FKBP9: variants seen among roughly 807,000 people sequenced by gnomAD.
FKBP9 encodes FKBP prolyl isomerase 9, also known as peptidyl-prolyl cis-trans isomerase FKBP9.
Under a neutral mutation model 55.6 loss-of-function variants are expected in FKBP9, and 27 were observed. The observed-to-expected ratio is 0.49, with a 90% confidence interval of 0.36 to 0.67. The LOEUF is 0.67. Among genes scored for constraint, FKBP9 ranks in the 30% least tolerant of loss-of-function variants. The pLI is 0.00. For missense variants in FKBP9, 539 were observed against 742.8 expected (o/e 0.73, Z 3.19); for synonymous variants, 267 against 296.5 (o/e 0.90, Z 1.02).
chr7:32,983,499 GA>G (rs1179910850), intron 5 of FKBP9, among the ~76,000 whole-genome samples: 2 of 149,560 alleles, frequency 1.3e-5, no homozygotes, highest in East Asian at 4.0e-4. Flanking sequence ...ATTTTTGATA[GA>G]GACAGGGTTT....
chr7:32,979,945 C>T (rs373494760), intron 4 of FKBP9, among the ~76,000 whole-genome samples: 3,484 of 151,518 alleles, frequency 0.023, 71 homozygotes, highest in East Asian at 0.16. Context: ...TTTCAAAGAA[C>T]AAGTCTGTGT....
At chr7:32,979,307 G>T (rs1784424004) in intron 4 of FKBP9, among the ~76,000 whole-genome samples, 1 of 152,092 alleles carries the variant, frequency 6.6e-6, no homozygotes, top group Admixed American at 6.6e-5. Context: ...AAACCCCATG[G>T]TTACTTTTAA....
intron 7 of FKBP9, among the ~76,000 whole-genome samples, chr7:32,997,882 C>G (rs1190175881): frequency 1.3e-5 from 2 of 152,144 alleles, no homozygotes; most frequent in Non-Finnish European, 2.9e-5. Flanking sequence ...AGCTCTCCCT[C>G]TCGGTATGGG....
At chr7:32,998,875 G>A (rs1457349784) in intron 7 of FKBP9, among the ~76,000 whole-genome samples, 4 of 152,190 alleles carry the variant, frequency 2.6e-5, no homozygotes, top group East Asian at 1.9e-4. Context: ...CACAGGACCC[G>A]AGGAAAAAGA....
At chr7:33,000,744 C>A (rs537565013) in intron 8 of FKBP9, among the ~76,000 whole-genome samples, 1 of 151,882 alleles carries the variant, frequency 6.6e-6, no homozygotes, top group African/African-American at 2.4e-5. Context: ...TTTACTCCAT[C>A]ATTTCAGCCA....
intron 1 of FKBP9, among the ~76,000 whole-genome samples, chr7:32,965,812 A>ATATATATATATAT (rs1554284288): frequency 2.9e-5 from 1 of 34,940 alleles, no homozygotes; most frequent in African/African-American, 1.2e-4. Context: ...AAAAAAAAAA[A>ATATATATATATAT]ATATATATAT....
At chr7:32,987,478 G>C (rs1275764086) in intron 5 of FKBP9, among the ~76,000 whole-genome samples, 1 of 127,652 alleles carries the variant, frequency 7.8e-6, no homozygotes, top group Admixed American at 8.5e-5. Context: ...CTGGGAGACA[G>C]AGCAAGACCC....
chr7:32,997,360 C>T (rs114903495), intron 7 of FKBP9, among the ~76,000 whole-genome samples: 5,114 of 152,206 alleles, frequency 0.034, 140 homozygotes, highest in South Asian at 0.08. Context: ...GTGTGAGTCA[C>T]TGCACCTGAC....
intron 1 of FKBP9, among the ~76,000 whole-genome samples, chr7:32,961,533 A>G (rs1373386408): frequency 6.6e-6 from 1 of 152,200 alleles, no homozygotes; most frequent in African/African-American, 2.4e-5. Flanking sequence ...CAATTTACAA[A>G]AATAAATAAA....
intron 9 of FKBP9, among the ~76,000 whole-genome samples, chr7:33,004,188 A>G (rs1056055058): frequency 6.6e-6 from 1 of 151,810 alleles, no homozygotes; most frequent in African/African-American, 2.4e-5. Flanking sequence ...ACCCTGTAGC[A>G]TCTTAGCCCG....
chr7:33,006,091 C>CTTTTTTTTT lies in FKBP9; in HGVS notation c.*753_*761dup, dbSNP rs575917909. 1 of 129,316 alleles carries CTTTTTTTTT rather than the reference C, an allele frequency of 7.7e-6. No individual in the cohort carries two copies. The highest frequency in any genetic ancestry group is 3.6e-5 in the African/African-American group (1 of 28,072). The allele number at this position is 129,316 out of a possible 1,614,324, so 8.0% of individuals were successfully genotyped here. A position where few individuals can be genotyped will look rare whatever the true frequency, so the allele number is the denominator to read the frequency against. On this transcript the variant is annotated 3_prime_UTR_variant, in exon 10 of 10. Coordinates refer to ENST00000242209, the MANE Select transcript of FKBP9 (RefSeq NM_007270.5). Reference sequence around the variant, plus strand: ...AGTCATCTGCTTAGCTTTTCCTTTCCTTTTTTTTTTTTTTTTTTTTTCTGG... The same window carrying CTTTTTTTTT: ...AGTCATCTGCTTAGCTTTTCCTTTCCTTTTTTTTTTTTTTTTTTTTTTTTTTTTTTCTGG...
chr7:32,967,290 T>C (rs1784163221), intron 1 of FKBP9, among the ~76,000 whole-genome samples: 1 of 152,226 alleles, frequency 6.6e-6, no homozygotes, highest in African/African-American at 2.4e-5. Context: ...ATAATAGTGT[T>C]AGCTATATTC....
intron 7 of FKBP9, among the ~76,000 whole-genome samples, chr7:32,996,836 G>A (rs1459125932): frequency 2.7e-5 from 3 of 113,086 alleles, no homozygotes; most frequent in African/African-American, 7.1e-5. Flanking sequence ...CGCCCAGGCC[G>A]GACTGCGGAC....
At chr7:32,968,180 A>G (rs1297689303) in intron 1 of FKBP9, among the ~76,000 whole-genome samples, 4 of 152,232 alleles carry the variant, frequency 2.6e-5, no homozygotes, top group African/African-American at 7.2e-5. Context: ...CTGGGACTAC[A>G]GTACCTTTGC....
intron 6 of FKBP9, among the ~76,000 whole-genome samples, chr7:32,995,436 G>A (rs906249823): frequency 3.0e-4 from 45 of 152,198 alleles, no homozygotes; most frequent in Non-Finnish European, 5.6e-4. Context: ...GGAAGCTGTC[G>A]TTAAATTCCT....
rs1783927374 is a variant in FKBP9 at position 32,957,684 on chromosome 7, G to C, written c.111G>C (p.Gln37His). ...VAGLGSDAEL[Q>H]IERRFVPDEC... Reference sequence around the variant, plus strand: ...GCCTGGGCTCCGACGCGGAGCTGCAGATCGAGCGGCGCTTCGTGCCCGACG... The same window carrying C: ...GCCTGGGCTCCGACGCGGAGCTGCACATCGAGCGGCGCTTCGTGCCCGACG... Residue 37 changes from glutamine to histidine, a missense_variant, in exon 1 of 10, where the codon CAG (glutamine) becomes CAC (histidine). Around this residue, in one of 4 missense-constraint regions of FKBP9, gnomAD observed 236 missense variants for 271.5 expected, o/e 0.87. Transcript: ENST00000242209. 1.3e-6 allele frequency: 2 copies of C among 1,529,902 alleles called. No individual in the cohort carries two copies. The highest frequency in any genetic ancestry group is 1.4e-5 in the African/African-American group (1 of 69,644). 94.8% of individuals were successfully genotyped at this position (1,529,902 alleles called of 1,614,324 possible). A position where few individuals can be genotyped will look rare whatever the true frequency, so the allele number is the denominator to read the frequency against.
chr7:32,959,311 A>C (rs1783971745), intron 1 of FKBP9, among the ~76,000 whole-genome samples: 1 of 152,182 alleles, frequency 6.6e-6, no homozygotes, highest in Non-Finnish European at 1.5e-5. Flanking sequence ...AGGTTGAGAC[A>C]GGAGAATGGC....
chr7:33,000,726 G>C lies in FKBP9; in HGVS notation c.1372+466G>C, dbSNP rs192237450. Among the ~76,000 whole-genome samples the C allele has an allele frequency of 5.5e-3, 843 of 152,044 alleles. 2 individuals carry two copies. Among genetic ancestry groups the C allele is most frequent in the Non-Finnish European group, 8.9e-3 (602 of 67,980 alleles). On this transcript the variant is annotated intron_variant, in intron 8 of 9. Coordinates refer to ENST00000242209, the MANE Select transcript of FKBP9 (RefSeq NM_007270.5). Reference sequence around the variant, plus strand: ...ACTGGCTTTACCTCATCCTCACAGTGGTTATGTTTTACTCCATCATTTCAG... The same window carrying C: ...ACTGGCTTTACCTCATCCTCACAGTCGTTATGTTTTACTCCATCATTTCAG...
chr7:32,993,456 C>T (rs1163576363), intron 6 of FKBP9, among the ~76,000 whole-genome samples: 1 of 152,210 alleles, frequency 6.6e-6, no homozygotes, highest in African/African-American at 2.4e-5. Flanking sequence ...TGGAATCATA[C>T]AATATTTCTC....
Sources: allele counts gnomAD v4.1 joint callset (sites outside exome capture counted in the v4.1 genomes callset), GRCh38; gene constraint gnomAD v4.1.1; regional missense constraint gnomAD v4.1.1; transcripts MANE v1.5; gene names NCBI Gene and HGNC (gene_info 2026-07-23, HGNC 2026-07-21).